The following CPD variants were observed in gnomAD, a reference collection of about 807,000 sequenced individuals.
CPD encodes metallocarboxypeptidase D.
In CPD, 69 loss-of-function variants were observed where a neutral mutation model predicts 138.3. That is an observed-to-expected ratio of 0.50 (90% CI 0.41 to 0.61). The LOEUF is 0.61. Ranked by LOEUF, CPD falls within the 20% of genes least tolerant of loss-of-function variation. The probability of loss-of-function intolerance (pLI) is 0.00; values close to 1 mark genes in which losing one functional copy is unlikely to be tolerated. For missense variants in CPD, 1,432 were observed against 1,733.3 expected, an observed-to-expected ratio of 0.83 and a Z score of 3.09; for synonymous variants, 651 against 642.1, an observed-to-expected ratio of 1.01 and a Z score of -0.21.
intron 10 of CPD, among the ~76,000 whole-genome samples, chr17:30,443,094 C>T (rs1912924010): frequency 6.6e-6 from 1 of 151,854 alleles, no homozygotes; most frequent in African/African-American, 2.4e-5. Context: ...TATTCCTATA[C>T]CTAGATTTAA....
At chr17:30,400,913 G>A (rs151196161) in intron 2 of CPD, among the ~76,000 whole-genome samples, 125 of 150,130 alleles carry the variant, frequency 8.3e-4, no homozygotes, top group African/African-American at 2.9e-3. Context: ...TCCTGACCTC[G>A]TGATCCGCCC....
At chr17:30,454,348 C>A (rs1339383481) in intron 14 of CPD, 1 of 152,308 alleles carries the variant, frequency 6.6e-6, no homozygotes, top group East Asian at 1.9e-4. Context: ...TTCCAAAAAT[C>A]TCTAGGGCAG....
intron 2 of CPD, among the ~76,000 whole-genome samples, chr17:30,411,251 T>C (rs1911961322): frequency 6.6e-6 from 1 of 152,236 alleles, no homozygotes; most frequent in Admixed American, 6.5e-5. Context: ...GGGCTTCCCT[T>C]TGTGGGTAAC....
At chr17:30,427,009 C>T (rs1197451915) in intron 6 of CPD, among the ~76,000 whole-genome samples, 8 of 151,906 alleles carry the variant, frequency 5.3e-5, no homozygotes, top group Admixed American at 5.2e-4. Context: ...GGTGAAACCC[C>T]ATCTCTACTA....
At chr17:30,442,214 A>C in intron 9 of CPD, 94 bp from the exon 10 acceptor site, 1 of 1,161,096 alleles carries the variant, frequency 8.6e-7, no homozygotes, top group Non-Finnish European at 1.2e-6. Context: ...ATAAGAGATA[A>C]ATTTGGCTTT....
At chr17:30,426,629 T>C (rs1334846245) in intron 6 of CPD, among the ~76,000 whole-genome samples, 1 of 151,930 alleles carries the variant, frequency 6.6e-6, no homozygotes, top group East Asian at 1.9e-4. Context: ...TCTACAGGAG[T>C]AGTTGAGGAA....
At chr17:30,384,461 A>G (rs1392860067) in intron 1 of CPD, among the ~76,000 whole-genome samples, 1 of 152,242 alleles carries the variant, frequency 6.6e-6, no homozygotes, top group Non-Finnish European at 1.5e-5. Context: ...TATGAAATAC[A>G]AGTCGTAGAC....
intron 1 of CPD, among the ~76,000 whole-genome samples, chr17:30,382,560 C>T (rs1356105650): frequency 6.6e-6 from 1 of 152,168 alleles, no homozygotes; most frequent in African/African-American, 2.4e-5. Context: ...GACACTGGTA[C>T]TTTCAAAACT....
chr17:30,402,022 ATTG>A (rs1268252191), intron 2 of CPD, among the ~76,000 whole-genome samples: 6 of 130,920 alleles, frequency 4.6e-5, no homozygotes, highest in Non-Finnish European at 9.9e-5. Context: ...GCCTTTTGCT[ATTG>A]TTCTTAAAAT....
rs1375391791 is a variant in CPD at position 30,379,795 on chromosome 17, T to TA, written c.746+70dup. On this transcript the variant is annotated intron_variant, in intron 1 of 20. Coordinates refer to ENST00000225719, the MANE Select transcript of CPD (RefSeq NM_001304.5). The surrounding 1 kb of genome is among the most constrained non-coding windows in gnomAD (Gnocchi z 7.0). ...GGCCGAGGCTGGTTCCGGCACCCAG[T>TA]AGGCGCTCAGACAATGCTGGCATAA... 4.4e-6 allele frequency: 5 copies of TA among 1,135,570 alleles called. No homozygotes were observed. The highest frequency in any genetic ancestry group is 5.8e-6 in the Non-Finnish European group (5 of 858,956). The allele number at this position is 1,135,570 out of a possible 1,614,324, so 70.3% of individuals were successfully genotyped here. A position where few individuals can be genotyped will look rare whatever the true frequency, so the allele number is the denominator to read the frequency against.
At chr17:30,427,021 T>C (rs1328741717) in intron 6 of CPD, among the ~76,000 whole-genome samples, 1 of 151,594 alleles carries the variant, frequency 6.6e-6, no homozygotes, top group Non-Finnish European at 1.5e-5. Context: ...TCTCTACTAA[T>C]AAATACAAAA....
At position 30,422,929 on chromosome 17, in the gene CPD, T is replaced by G; in HGVS notation, c.1563T>G (p.Pro521=). The change falls in exon 5 of 21, where the codon CCT becomes CCG. Residue 521 remains proline (P), a synonymous_variant. Coordinates refer to ENST00000225719, the MANE Select transcript of CPD (RefSeq NM_001304.5). ...TGAGAAGGTTTGCCAATGAATATCC[T>G]AACATTACCCGGCTTTATTCCTTGG... ...IFLRRFANEY[P]NITRLYSLGK... 1 of 1,614,082 alleles carries G rather than the reference T, an allele frequency of 6.2e-7. No individual in the cohort carries two copies. The highest frequency in any genetic ancestry group is 8.5e-7 in the Non-Finnish European group (1 of 1,179,948).
chr17:30,385,010 G>A lies in CPD; in HGVS notation c.768G>A (p.Leu256=). 6.2e-7 allele frequency: 1 copy of A among 1,613,720 alleles called. No individual in the cohort carries two copies. Among genetic ancestry groups the A allele is most frequent in the Non-Finnish European group, 8.5e-7 (1 of 1,179,776 alleles). The change falls in exon 2 of 21, where the codon CTG becomes CTA. Residue 256 remains leucine (L), a synonymous_variant. Transcript: ENST00000225719. ...AAAGGTTTGTGCTTTCTGGAAATCT[G>A]CATGGTGGCTCAGTGGTAGCAAGCT... ...RRNKFVLSGN[L]HGGSVVASYP... is the part of the protein sequence containing the mutation.
chr17:30,421,816 T>G lies in CPD; in HGVS notation c.1290T>G (p.Leu430=), dbSNP rs773469460. The G allele has an allele frequency of 6.2e-7, 1 of 1,612,798 alleles. No homozygotes were observed. The highest frequency in any genetic ancestry group is 1.1e-5 in the South Asian group (1 of 91,036). Residue 430 remains leucine, a synonymous_variant, in exon 4 of 21, where the codon CTT becomes CTG. Coordinates refer to ENST00000225719, the MANE Select transcript of CPD (RefSeq NM_001304.5). ...TACTTGTTCCTGGAACTTACAACCTTACAGTAGTTTTAACTGGGTAAGAAT... is the reference window on the plus strand; with the variant it reads ...TACTTGTTCCTGGAACTTACAACCTGACAGTAGTTTTAACTGGGTAAGAAT... ...YRLLVPGTYN[L]TVVLTGYMPL... is the part of the protein sequence containing the mutation.
chr17:30,379,548 G>C lies in CPD; in HGVS notation c.568G>C (p.Ala190Pro). The change falls in exon 1 of 21, where the codon GCC (alanine) becomes CCC (proline). Residue 190 changes from alanine to proline, a missense_variant. Physicochemically the swap from Ala to Pro is conservative, Grantham distance 27. Transcript: ENST00000225719. This position sits in a 1 kb window ranked among gnomAD's most constrained non-coding sequence, Gnocchi z 7.0. Reference protein sequence around the residue: ...PSLNPDGFERAREGDCGFGDG... With the variant: ...PSLNPDGFERPREGDCGFGDG... The stretch of plus-strand genomic sequence containing the variant: ...CCTCAACCCCGATGGCTTCGAGCGT[G>C]CCCGCGAGGGCGACTGTGGCTTCGG... 1 of 1,549,784 alleles carries C rather than the reference G, an allele frequency of 6.5e-7. No homozygotes were observed. Among genetic ancestry groups the C allele is most frequent in the Non-Finnish European group, 8.6e-7 (1 of 1,157,234 alleles).
Position 30,456,492 on chromosome 17 carries a change from G to A in CPD, c.3464G>A (p.Gly1155Glu), listed in dbSNP as rs1377955040. The A allele has an allele frequency of 1.2e-6, 2 of 1,614,156 alleles. No homozygotes were observed. Among genetic ancestry groups the A allele is most frequent in the Admixed American group, 3.3e-5 (2 of 60,018 alleles). Reference protein sequence around the residue: ...DENIPGGVMRGAEWHSHLGSM... With the variant: ...DENIPGGVMREAEWHSHLGSM... ...AATATTCCAGGAGGAGTAATGCGTG[G>A]AGCAGAATGGCATAGTCACCTGGGC... Residue 1155 changes from glycine to glutamate, a missense_variant, in exon 17 of 21, where the codon GGA becomes GAA. Physicochemically the swap from Gly to Glu is moderately conservative, Grantham distance 98. Transcript: ENST00000225719.
chr17:30,413,298 A>G (rs996876046), intron 2 of CPD, among the ~76,000 whole-genome samples: 3 of 152,260 alleles, frequency 2.0e-5, no homozygotes, highest in African/African-American at 4.8e-5. Flanking sequence ...AAAGGTGACT[A>G]ATATCATAAT....
In CPD at chr17:30,379,145, C is replaced by T; in HGVS notation, c.165C>T (p.Phe55=). 6.5e-7 allele frequency: 1 copy of T among 1,536,986 alleles called. No individual in the cohort carries two copies. The highest frequency in any genetic ancestry group is 8.7e-7 in the Non-Finnish European group (1 of 1,145,180). The change falls in exon 1 of 21, where the codon TTC becomes TTT. Residue 55 remains phenylalanine, a synonymous_variant. Transcript: ENST00000225719. This position sits in a 1 kb window ranked among gnomAD's most constrained non-coding sequence, Gnocchi z 7.0. ...SAGAEAAEGQ[F]DRYYHEEELE... is the part of the protein sequence containing the mutation. ...GCGCCGAGGCGGCCGAGGGCCAGTTCGACCGCTACTACCACGAAGAGGAGT... is the reference window on the plus strand; with the variant it reads ...GCGCCGAGGCGGCCGAGGGCCAGTTTGACCGCTACTACCACGAAGAGGAGT...
At chr17:30,391,635 G>A (rs148280175) in intron 2 of CPD, among the ~76,000 whole-genome samples, 4 of 152,258 alleles carry the variant, frequency 2.6e-5, no homozygotes, top group Non-Finnish European at 5.9e-5. Flanking sequence ...CCTTAGGTTG[G>A]AATCACAACT....
Sources: gnomAD v4.1 joint callset for allele counts (sites outside exome capture counted in the v4.1 genomes callset) on GRCh38, gnomAD v4.1.1 for gene constraint, Gnocchi (gnomAD v3.1) non-coding constraint, MANE v1.5 for transcripts, NCBI Gene and HGNC (gene_info 2026-07-23, HGNC 2026-07-21) for gene names.